Variants in FGD4 observed in about 807,000 individuals in gnomAD.
FGD4 encodes FYVE, RhoGEF and PH domain-containing protein 4.
Under a neutral mutation model 102.0 loss-of-function variants are expected in FGD4, and 42 were observed. That is an observed-to-expected ratio of 0.41 (90% confidence interval 0.32 to 0.53). FGD4 has a LOEUF of 0.53. Among genes scored for constraint, FGD4 ranks in the 20% least tolerant of loss-of-function variants. FGD4 has a pLI of 0.21. For synonymous variants in FGD4, 380 were observed against 375.7 expected (o/e 1.01, Z -0.13); for missense variants, 902 against 1,078.2 (o/e 0.84, Z 2.29).
intron 1 of FGD4, among the ~76,000 whole-genome samples, chr12:32,519,377 CATT>C (rs1303990166): frequency 6.6e-6 from 1 of 152,136 alleles, no homozygotes; most frequent in Non-Finnish European, 1.5e-5. Context: ...GGAAATGTTC[CATT>C]ATTGTGTAAT....
intron 1 of FGD4, among the ~76,000 whole-genome samples, chr12:32,403,474 T>G (rs570607688): frequency 6.6e-6 from 1 of 152,256 alleles, no homozygotes; most frequent in East Asian, 1.9e-4. Flanking sequence ...ACTCCTATAG[T>G]CTCAGCTACT....
intron 1 of FGD4, among the ~76,000 whole-genome samples, chr12:32,420,977 C>T (rs898026089): frequency 1.1e-4 from 17 of 152,270 alleles, no homozygotes; most frequent in East Asian, 1.9e-4. Flanking sequence ...ACTGCAACCT[C>T]GAACTCCTGG....
At chr12:32,597,875 A>T (rs1323497894) in intron 4 of FGD4, among the ~76,000 whole-genome samples, 2 of 152,114 alleles carry the variant, frequency 1.3e-5, no homozygotes, top group Non-Finnish European at 2.9e-5. Flanking sequence ...ATTTGATTGA[A>T]GTTTTTCTTT....
intron 1 of FGD4, among the ~76,000 whole-genome samples, chr12:32,439,052 A>G (rs959500328): frequency 4.6e-5 from 7 of 152,196 alleles, no homozygotes; most frequent in Non-Finnish European, 8.8e-5. Flanking sequence ...ATGTTGTACA[A>G]TAGATCTATT....
chr12:32,482,453 C>T (rs941281640), intron 1 of FGD4, among the ~76,000 whole-genome samples: 1 of 152,206 alleles, frequency 6.6e-6, no homozygotes, highest in Admixed American at 6.5e-5. Context: ...CTATTTCTGG[C>T]TCGAAGTGAC....
chr12:32,485,983 T>C, intron 1 of FGD4: 2 of 1,344,848 alleles, frequency 1.5e-6, no homozygotes, highest in Non-Finnish European at 1.9e-6. Context: ...GTTAGTTCTT[T>C]ATCATGTTGA....
At chr12:32,595,371 C>T (rs1947812952) in intron 4 of FGD4, among the ~76,000 whole-genome samples, 1 of 152,290 alleles carries the variant, frequency 6.6e-6, no homozygotes, top group East Asian at 1.9e-4. Context: ...CCGGCCTAAA[C>T]AATAATGAAG....
chr12:32,487,933 A>T (rs1341971578), intron 1 of FGD4, among the ~76,000 whole-genome samples: 2 of 152,224 alleles, frequency 1.3e-5, no homozygotes, highest in African/African-American at 4.8e-5. Context: ...AAGCCATAGA[A>T]CTTATTCAGA....
chr12:32,563,124 G>A (rs1242493476), intron 1 of FGD4, among the ~76,000 whole-genome samples: 18 of 151,352 alleles, frequency 1.2e-4, no homozygotes, highest in African/African-American at 4.1e-4. Flanking sequence ...CGGACGGGAC[G>A]GCTGGCCTGG....
chr12:32,415,057 A>C (rs1453563743), intron 1 of FGD4, among the ~76,000 whole-genome samples: 1 of 152,160 alleles, frequency 6.6e-6, no homozygotes, highest in Non-Finnish European at 1.5e-5. Flanking sequence ...ATTCAGGAGC[A>C]TATTATTTAA....
At chr12:32,583,050 T>C (rs1041253656) in intron 4 of FGD4, 1 of 152,918 alleles carries the variant, frequency 6.5e-6, no homozygotes, top group Non-Finnish European at 1.5e-5. Flanking sequence ...TAAAAATCAT[T>C]TTAGAGCCAG....
At chr12:32,435,688 A>G (rs554895169) in intron 1 of FGD4, among the ~76,000 whole-genome samples, 2 of 152,292 alleles carry the variant, frequency 1.3e-5, no homozygotes, top group South Asian at 4.1e-4. Context: ...TGTACTAAAT[A>G]CTGCAACCTC....
chr12:32,477,934 C>A (rs1021891304), intron 1 of FGD4, among the ~76,000 whole-genome samples: 1 of 152,150 alleles, frequency 6.6e-6, no homozygotes, highest in Non-Finnish European at 1.5e-5. Flanking sequence ...CTCATTCACT[C>A]GAGTCATCTA....
At chr12:32,417,183 C>T (rs903923272) in intron 1 of FGD4, among the ~76,000 whole-genome samples, 39 of 152,052 alleles carry the variant, frequency 2.6e-4, no homozygotes, top group Admixed American at 9.8e-4. Flanking sequence ...CATGAGCCAC[C>T]GCGCCTGGCC....
intron 1 of FGD4, among the ~76,000 whole-genome samples, chr12:32,520,024 T>C (rs1940336779): frequency 6.6e-6 from 1 of 152,196 alleles, no homozygotes; most frequent in Non-Finnish European, 1.5e-5. Flanking sequence ...TGTAATATCT[T>C]CTGAGATATT....
In FGD4 at chr12:32,419,326, A is replaced by G. The variant is rs140247052; in HGVS notation, c.166+19367A>G. Among the ~76,000 whole-genome samples, 731 of 152,330 alleles carry G rather than the reference A, an allele frequency of 4.8e-3. 5 individuals are homozygous for G. The highest frequency in any genetic ancestry group is 0.013 in the African/African-American group (540 of 41,576). ...CACACCTGAAGCCAGCATGTCTCAGAGCCCAGTGCCTATGGTATACTACCT... is the reference window on the plus strand; with the variant it reads ...CACACCTGAAGCCAGCATGTCTCAGGGCCCAGTGCCTATGGTATACTACCT... On this transcript the variant is annotated intron_variant, in intron 1 of 16. Coordinates refer to ENST00000534526, the MANE Select transcript of FGD4 (RefSeq NM_001370298.3).
chr12:32,540,145 G>GT (rs1289126862), intron 1 of FGD4, among the ~76,000 whole-genome samples: 1 of 152,150 alleles, frequency 6.6e-6, no homozygotes, highest in Admixed American at 6.5e-5. Flanking sequence ...AAATGTAACT[G>GT]TATTCACTAT....
chr12:32,605,320 C>CT (rs34016545), intron 7 of FGD4, among the ~76,000 whole-genome samples: 42,326 of 147,622 alleles, frequency 0.29, 6,104 homozygotes, highest in Middle Eastern at 0.49. Context: ...CCCTTCACTC[C>CT]TTTTTTTTTT....
chr12:32,477,522 TTAA>T (rs1264895881), intron 1 of FGD4: 4 of 152,386 alleles, frequency 2.6e-5, no homozygotes, highest in African/African-American at 9.6e-5. Flanking sequence ...AGAAGTCATT[TTAA>T]GTTCCTTGCC....
Sources: allele counts gnomAD v4.1 joint callset (sites outside exome capture counted in the v4.1 genomes callset), GRCh38; gene constraint gnomAD v4.1.1; transcripts MANE v1.5; gene names NCBI Gene and HGNC (gene_info 2026-07-23, HGNC 2026-07-21).